NALF1: variants seen among roughly 807,000 people sequenced by gnomAD.
The protein encoded by NALF1 is NALCN channel auxiliary factor 1.
NALF1 carries 3 observed loss-of-function variants against 48.4 expected under a neutral mutation model. That is an observed-to-expected ratio of 0.06 (90% CI 0.03 to 0.16). The LOEUF (loss-of-function observed/expected upper bound fraction) is 0.16. Ranked by LOEUF, NALF1 falls within the 10% of genes least tolerant of loss-of-function variation. The pLI, the probability that NALF1 is intolerant of heterozygous loss-of-function variation, is 1.00. For synonymous variants in NALF1, 262 were observed against 245.7 expected (o/e 1.07, Z -0.62); for missense variants, 526 against 571.5 (o/e 0.92, Z 0.81).
intron 1 of NALF1, among the ~76,000 whole-genome samples, chr13:107,512,093 A>G (rs1237520703): frequency 6.6e-6 from 1 of 152,240 alleles, no homozygotes; most frequent in Non-Finnish European, 1.5e-5. Context: ...AGTGATCTTT[A>G]GAAAAACCTG....
intron 1 of NALF1, among the ~76,000 whole-genome samples, chr13:107,711,366 C>T (rs1231476794): frequency 6.6e-6 from 1 of 152,220 alleles, no homozygotes; most frequent in Non-Finnish European, 1.5e-5. Context: ...GACGAAGTCT[C>T]GCCCTGTCTC....
At chr13:107,493,209 T>C (rs1875204605) in intron 1 of NALF1, among the ~76,000 whole-genome samples, 3 of 152,134 alleles carry the variant, frequency 2.0e-5, no homozygotes, top group Admixed American at 2.0e-4. Flanking sequence ...TCCGTGCTGC[T>C]GGATAAAGCA....
intron 1 of NALF1, among the ~76,000 whole-genome samples, chr13:107,493,124 A>G (rs542608014): frequency 3.3e-4 from 51 of 152,308 alleles, no homozygotes; most frequent in Non-Finnish European, 5.7e-4. Context: ...CCAAAAAGAT[A>G]TCTCCATTTC....
chr13:107,481,972 T>C (rs1248082213), intron 1 of NALF1, among the ~76,000 whole-genome samples: 1 of 152,176 alleles, frequency 6.6e-6, no homozygotes, highest in African/African-American at 2.4e-5. Flanking sequence ...ATTGATTATC[T>C]TAGTGTGATG....
chr13:107,291,314 T>C (rs992765084), intron 1 of NALF1, among the ~76,000 whole-genome samples: 10 of 152,198 alleles, frequency 6.6e-5, no homozygotes, highest in African/African-American at 2.4e-4. Context: ...TGAGCATCCC[T>C]AATCCAAAAA....
intron 1 of NALF1, among the ~76,000 whole-genome samples, chr13:107,750,893 G>A (rs1424000476): frequency 6.6e-5 from 10 of 151,766 alleles, no homozygotes; most frequent in East Asian, 1.9e-4. Context: ...CACAGCCCCC[G>A]GCCAAAATAA....
intron 1 of NALF1, among the ~76,000 whole-genome samples, chr13:107,363,900 A>T (rs1489322979): frequency 6.6e-6 from 1 of 152,124 alleles, no homozygotes; most frequent in Non-Finnish European, 1.5e-5. Flanking sequence ...TTGGGTTCTG[A>T]GTGATTGATA....
At chr13:107,452,374 A>G (rs981665785) in intron 1 of NALF1, among the ~76,000 whole-genome samples, 1 of 152,178 alleles carries the variant, frequency 6.6e-6, no homozygotes, top group African/African-American at 2.4e-5. Flanking sequence ...ACTTAAAATC[A>G]TGGTGAAAAG....
chr13:107,634,945 T>C (rs1282258915), intron 1 of NALF1, among the ~76,000 whole-genome samples: 3 of 152,154 alleles, frequency 2.0e-5, no homozygotes. Flanking sequence ...AGTAGGAGTA[T>C]AAGATTATAG....
At chr13:107,469,929 G>C (rs1394227297) in intron 1 of NALF1, among the ~76,000 whole-genome samples, 2 of 151,390 alleles carry the variant, frequency 1.3e-5, no homozygotes, top group Non-Finnish European at 2.9e-5. Context: ...ATTTTTAGTA[G>C]AGACGGGGTT....
chr13:107,441,454 G>C (rs866220098), intron 1 of NALF1, among the ~76,000 whole-genome samples: 34 of 152,168 alleles, frequency 2.2e-4, no homozygotes, highest in African/African-American at 7.0e-4. Flanking sequence ...AGTCTGCTGT[G>C]AGTAATACCG....
intron 1 of NALF1, among the ~76,000 whole-genome samples, chr13:107,689,074 G>A (rs899845367): frequency 2.2e-4 from 34 of 152,344 alleles, no homozygotes; most frequent in African/African-American, 8.2e-4. Flanking sequence ...TGATCAGACA[G>A]CTGGCTTCCC....
chr13:107,230,966 G>A (rs538448392), intron 1 of NALF1, among the ~76,000 whole-genome samples: 2 of 151,000 alleles, frequency 1.3e-5, no homozygotes, highest in Non-Finnish European at 1.5e-5. Flanking sequence ...AGGCTGAGGT[G>A]GGAGGATTGC....
At chr13:107,467,100 G>A (rs1686400741) in intron 1 of NALF1, among the ~76,000 whole-genome samples, 1 of 151,936 alleles carries the variant, frequency 6.6e-6, no homozygotes, top group African/African-American at 2.4e-5. Flanking sequence ...TTTCTAAGGA[G>A]TTTTTTTCAT....
At chr13:107,690,758 TGAG>T (rs1881549273) in intron 1 of NALF1, among the ~76,000 whole-genome samples, 1 of 152,156 alleles carries the variant, frequency 6.6e-6, no homozygotes, top group African/African-American at 2.4e-5. Context: ...AATGATGCAT[TGAG>T]GAGGATGAAG....
chr13:107,309,013 C>T (rs910324482), intron 1 of NALF1, among the ~76,000 whole-genome samples: 9 of 152,172 alleles, frequency 5.9e-5, no homozygotes, highest in Non-Finnish European at 8.8e-5. Context: ...AGATCAAATA[C>T]GTTTTGTCTG....
intron 1 of NALF1, among the ~76,000 whole-genome samples, chr13:107,521,567 T>C (rs369332015): frequency 6.6e-6 from 1 of 152,180 alleles, no homozygotes; most frequent in East Asian, 1.9e-4. Context: ...TTCAAATGTA[T>C]TATTCTATCT....
chr13:107,322,517 TA>T (rs1038867372), intron 1 of NALF1, among the ~76,000 whole-genome samples: 3 of 152,122 alleles, frequency 2.0e-5, no homozygotes, highest in Admixed American at 6.6e-5. Flanking sequence ...CCTTTTGAAT[TA>T]AAAAAATACT....
intron 1 of NALF1, among the ~76,000 whole-genome samples, chr13:107,305,285 A>C (rs908681665): frequency 6.6e-6 from 1 of 152,220 alleles, no homozygotes; most frequent in Non-Finnish European, 1.5e-5. Flanking sequence ...ATAATAAGTC[A>C]TAAAATCTCA....
Sources: allele counts gnomAD v4.1 joint callset (sites outside exome capture counted in the v4.1 genomes callset), GRCh38; gene constraint gnomAD v4.1.1; transcripts MANE v1.5; gene names NCBI Gene and HGNC (gene_info 2026-07-23, HGNC 2026-07-21).